Variants in HGF observed in about 807,000 individuals in gnomAD.
HGF encodes the protein hepatocyte growth factor.
HGF carries 39 observed loss-of-function variants against 111.6 expected under a neutral mutation model. The ratio of observed to expected loss-of-function variants is 0.35; its 90% confidence interval spans 0.27 to 0.46. The LOEUF is 0.46. HGF is among the 20% of genes least tolerant of loss of function. The probability of loss-of-function intolerance (pLI) is 1.00; values close to 1 mark genes in which losing one functional copy is unlikely to be tolerated. For synonymous variants in HGF, 285 were observed against 294.8 expected, an observed-to-expected ratio of 0.97 and a Z score of 0.34; for missense variants, 735 against 910.5, an observed-to-expected ratio of 0.81 and a Z score of 2.48.
chr7:81,759,599 G>A lies in HGF; in HGVS notation c.255-795C>T, dbSNP rs5745630. Among the ~76,000 whole-genome samples the A allele has an allele frequency of 2.2e-4, 33 of 152,014 alleles. No individual in the cohort carries two copies. In the South Asian group the frequency reaches 6.7e-3, roughly 31 times the overall value. ...GGCTCACTGCAAGCTCCGCCTCCCG[G>A]GTTCACGCCATTCTCCTGCCTCAGC... On this transcript the variant is annotated intron_variant, in intron 2 of 17. Transcript: ENST00000222390.
intron 1 of HGF, 61 bp from the exon 2 acceptor site, chr7:81,762,933 T>A: frequency 1.0e-6 from 1 of 989,346 alleles, no homozygotes; most frequent in Non-Finnish European, 1.5e-6. Context: ...AAGGCTCATA[T>A]ATAAAAAAAA....
chr7:81,741,294 A>C (rs2116001200), intron 7 of HGF, among the ~76,000 whole-genome samples: 1 of 151,850 alleles, frequency 6.6e-6, no homozygotes, highest in Non-Finnish European at 1.5e-5. Context: ...TCATTTTTTT[A>C]GAATTAACAC....
At chr7:81,737,110 A>G (rs1787856476) in intron 7 of HGF, among the ~76,000 whole-genome samples, 2 of 152,194 alleles carry the variant, frequency 1.3e-5, no homozygotes, top group East Asian at 3.9e-4. Flanking sequence ...GATAAAATTG[A>G]CAGGACTTAG....
rs905243504 is a variant in HGF at position 81,707,246 on chromosome 7, C to G, written c.1616+44G>C. 4 of 1,061,562 alleles carry G rather than the reference C, an allele frequency of 3.8e-6. No homozygotes were observed. The South Asian group carries it at 5.0e-5, about 13-fold the overall frequency. 65.8% of individuals were successfully genotyped at this position (1,061,562 alleles called of 1,614,324 possible). A position where few individuals can be genotyped will look rare whatever the true frequency, so the allele number is the denominator to read the frequency against. ...TTAAGAGCAAAGTGGAAGACATACACATTTTAAAGGCTCAAAATAATACTA... is the reference window on the plus strand; with the variant it reads ...TTAAGAGCAAAGTGGAAGACATACAGATTTTAAAGGCTCAAAATAATACTA... On this transcript the variant is annotated intron_variant, in intron 14 of 17. Transcript: ENST00000222390.
intron 9 of HGF, among the ~76,000 whole-genome samples, chr7:81,721,108 G>T (rs1458487034): frequency 6.6e-6 from 1 of 152,118 alleles, no homozygotes; most frequent in Non-Finnish European, 1.5e-5. Flanking sequence ...TTAGCCAGGC[G>T]TGGTGGTGGG....
At chr7:81,704,733 A>T (rs1789376581) in intron 17 of HGF, among the ~76,000 whole-genome samples, 1 of 151,800 alleles carries the variant, frequency 6.6e-6, no homozygotes, top group South Asian at 2.1e-4. Context: ...ACAATCCCAC[A>T]GCCCTGAAGC....
Position 81,729,550 on chromosome 7 carries a change from A to C in HGF, c.1040+55T>G. On this transcript the variant is annotated intron_variant, in intron 8 of 17. Coordinates refer to ENST00000222390, the MANE Select transcript of HGF (RefSeq NM_000601.6). ...AAAATTAGTAAAAAGTAACCACTCT[A>C]CCTCATTTTCCCCAGGGCCTACTGA... 41 of 1,332,104 alleles carry C rather than the reference A, an allele frequency of 3.1e-5. 2 individuals carry two copies. The South Asian group carries it at 4.7e-4, about 15-fold the overall frequency. 82.5% of individuals were successfully genotyped at this position (1,332,104 alleles called of 1,614,324 possible). A position where few individuals can be genotyped will look rare whatever the true frequency, so the allele number is the denominator to read the frequency against.
chr7:81,707,559 T>C (rs1226819187), intron 13 of HGF, among the ~76,000 whole-genome samples, 195 bp from the exon 14 acceptor site: 4 of 152,176 alleles, frequency 2.6e-5, no homozygotes, highest in African/African-American at 9.6e-5. Context: ...GTTAGCTTTT[T>C]TTTCATAATG....
chr7:81,702,559 G>C lies in HGF; in HGVS notation c.*22C>G. 1 of 1,585,344 alleles carries C rather than the reference G, an allele frequency of 6.3e-7. No individual in the cohort carries two copies. Among genetic ancestry groups the C allele is most frequent in the African/African-American group, 1.3e-5 (1 of 74,336 alleles). ...GTAAAAGACAGTTGTATTGGTGGGT[G>C]CTTCAGACACACTTACTTCAGCTAT... On this transcript the variant is annotated 3_prime_UTR_variant, in exon 18 of 18. Transcript: ENST00000222390.
At chr7:81,740,996 TCCA>T (rs1035654879) in intron 7 of HGF, among the ~76,000 whole-genome samples, 4 of 152,208 alleles carry the variant, frequency 2.6e-5, no homozygotes, top group Admixed American at 2.0e-4. Flanking sequence ...CACAATTGAA[TCCA>T]CCACCAAATT....
chr7:81,718,841 T>C (rs1337691443), intron 10 of HGF, among the ~76,000 whole-genome samples: 1 of 152,128 alleles, frequency 6.6e-6, no homozygotes, highest in African/African-American at 2.4e-5. Context: ...ATGAGAACAA[T>C]TCTCTCTCAC....
At chr7:81,727,071 C>G (rs1790033114) in intron 8 of HGF, among the ~76,000 whole-genome samples, 1 of 148,514 alleles carries the variant, frequency 6.7e-6, no homozygotes, top group African/African-American at 2.5e-5. Flanking sequence ...AACAGAGTCT[C>G]GTTCTGTCGC....
chr7:81,702,435 T>C lies in HGF; in HGVS notation c.*146A>G. ...CAAACAAAACAACAGAAAACACCCA[T>C]AAACATTAATGAGAATTTCAACAAA... On this transcript the variant is annotated 3_prime_UTR_variant, in exon 18 of 18. Transcript: ENST00000222390. 1 of 670,834 alleles carries C rather than the reference T, an allele frequency of 1.5e-6. No individual in the cohort carries two copies. Among genetic ancestry groups the C allele is most frequent in the Non-Finnish European group, 2.6e-6 (1 of 385,416 alleles). The allele number at this position is 670,834 out of a possible 1,614,324, so 41.6% of individuals were successfully genotyped here. A position where few individuals can be genotyped will look rare whatever the true frequency, so the allele number is the denominator to read the frequency against.
At chr7:81,713,269 G>A (rs190459472) in intron 11 of HGF, among the ~76,000 whole-genome samples, 89 of 152,196 alleles carry the variant, frequency 5.8e-4, no homozygotes, top group African/African-American at 1.8e-3. Flanking sequence ...GTGCCTGCCT[G>A]TAATCCCAGC....
Position 81,758,914 on chromosome 7 carries a change from A to G in HGF, c.255-110T>C, listed in dbSNP as rs1334719287. The G allele has an allele frequency of 5.8e-6, 4 of 694,846 alleles. No individual in the cohort carries two copies. In the African/African-American group the frequency reaches 7.2e-5, roughly 12 times the overall value. 43.0% of individuals were successfully genotyped at this position (694,846 alleles called of 1,614,324 possible). ...GGGCATATGGACAATATAGAAACAAATGCATAATTACATATACATAATAAA... is the reference window on the plus strand; with the variant it reads ...GGGCATATGGACAATATAGAAACAAGTGCATAATTACATATACATAATAAA... On this transcript the variant is annotated intron_variant, in intron 2 of 17. Coordinates refer to ENST00000222390, the MANE Select transcript of HGF (RefSeq NM_000601.6).
At chr7:81,706,503 A>G (rs1396336949) in intron 14 of HGF, 76 bp from the exon 15 acceptor site, 1 of 1,199,878 alleles carries the variant, frequency 8.3e-7, no homozygotes, top group Non-Finnish European at 1.2e-6. Context: ...ATCTATTGTT[A>G]TTTTAGACTA....
At chr7:81,721,636 T>A (rs1789867017) in intron 9 of HGF, among the ~76,000 whole-genome samples, 1 of 152,254 alleles carries the variant, frequency 6.6e-6, no homozygotes, top group Non-Finnish European at 1.5e-5. Context: ...TTCATTTTGT[T>A]TGATTTATTT....
intron 10 of HGF, among the ~76,000 whole-genome samples, chr7:81,719,628 T>G (rs1241921998): frequency 1.3e-5 from 2 of 152,204 alleles, no homozygotes; most frequent in African/African-American, 4.8e-5. Flanking sequence ...ATATTAAAAT[T>G]AATTTTGCCT....
chr7:81,756,319 G>A (rs1392194976), intron 4 of HGF: 2 of 445,746 alleles, frequency 4.5e-6, no homozygotes, highest in Admixed American at 4.0e-5. Context: ...AAGGTACAGT[G>A]CTCAGCAAGG....
Sources: gnomAD v4.1 joint callset for allele counts (sites outside exome capture counted in the v4.1 genomes callset) on GRCh38, gnomAD v4.1.1 for gene constraint, MANE v1.5 for transcripts, NCBI Gene and HGNC (gene_info 2026-07-23, HGNC 2026-07-21) for gene names.